Variants in FRMD6 observed in about 807,000 individuals in gnomAD.
FRMD6 encodes FERM domain-containing protein 6.
FRMD6 carries 37 observed loss-of-function variants against 73.2 expected under a neutral mutation model. The observed-to-expected ratio is 0.51, with a 90% confidence interval of 0.39 to 0.66. FRMD6 has a LOEUF of 0.66. FRMD6 is among the 30% of genes least tolerant of loss of function. The pLI is 0.00. For missense variants in FRMD6, 714 were observed against 780.5 expected (o/e 0.91, Z 1.02); for synonymous variants, 273 against 282.2 (o/e 0.97, Z 0.33).
the FRMD6 span, among the ~76,000 whole-genome samples, chr14:51,426,075 G>A: frequency 6.6e-6 from 1 of 151,922 alleles, no homozygotes; most frequent in Non-Finnish European, 1.5e-5. Flanking sequence ...TTCAACATGG[G>A]CCCTCATTTT....
intron 2 of FRMD6, among the ~76,000 whole-genome samples, chr14:51,621,184 A>C (rs190895404): frequency 6.6e-6 from 1 of 152,070 alleles, no homozygotes; most frequent in Non-Finnish European, 1.5e-5. Flanking sequence ...ATTGCATGTG[A>C]CTTTGGCTGG....
intron 2 of FRMD6, among the ~76,000 whole-genome samples, chr14:51,603,937 T>G: frequency 1.2e-5 from 1 of 81,784 alleles, no homozygotes. Context: ...TAATTTCTCT[T>G]GTGATACAAA....
At chr14:51,515,753 C>T (rs74364597) in intron 1 of FRMD6, among the ~76,000 whole-genome samples, 1,665 of 152,212 alleles carry the variant, frequency 0.011, 37 homozygotes, top group South Asian at 0.054. Flanking sequence ...GAGACCCATC[C>T]GTTGGACTTG....
intron 2 of FRMD6, among the ~76,000 whole-genome samples, chr14:51,624,991 A>G (rs532327815): frequency 6.6e-6 from 1 of 152,364 alleles, no homozygotes; most frequent in Non-Finnish European, 1.5e-5. Context: ...TGTAATGATA[A>G]TGAAAGTTAT....
intron 7 of FRMD6, among the ~76,000 whole-genome samples, chr14:51,708,650 T>C (rs1896769040): frequency 6.6e-6 from 1 of 152,164 alleles, no homozygotes; most frequent in Non-Finnish European, 1.5e-5. Flanking sequence ...TACAAGAACA[T>C]TACCACAACA....
intron 1 of FRMD6, among the ~76,000 whole-genome samples, chr14:51,491,705 G>A (rs1883015119): frequency 6.6e-6 from 1 of 152,200 alleles, no homozygotes; most frequent in Admixed American, 6.5e-5. Context: ...GCTGCTGGGG[G>A]ATTCAAATCT....
chr14:51,537,391 T>G (rs1344320704), intron 1 of FRMD6, among the ~76,000 whole-genome samples: 1 of 152,210 alleles, frequency 6.6e-6, no homozygotes, highest in Non-Finnish European at 1.5e-5. Flanking sequence ...CAGTTTTTAT[T>G]TATCCATTCA....
At chr14:51,516,945 A>T (rs10138834) in intron 1 of FRMD6, among the ~76,000 whole-genome samples, 7,795 of 152,254 alleles carry the variant, frequency 0.051, 430 homozygotes, top group African/African-American at 0.13. Flanking sequence ...GGTGACTTTA[A>T]TCTAGAACTT....
At chr14:51,639,279 CA>C (rs1297200226) in intron 2 of FRMD6, among the ~76,000 whole-genome samples, 1 of 151,806 alleles carries the variant, frequency 6.6e-6, no homozygotes, top group Non-Finnish European at 1.5e-5. Context: ...ACTAAAAATA[CA>C]AAAAATTAGC....
intron 1 of FRMD6, among the ~76,000 whole-genome samples, chr14:51,667,581 GAAAC>G: frequency 6.6e-6 from 1 of 152,294 alleles, no homozygotes; most frequent in South Asian, 2.1e-4. Flanking sequence ...GTGACATACT[GAAAC>G]AAAGGTCAGC....
intron 1 of FRMD6, among the ~76,000 whole-genome samples, chr14:51,671,836 A>G (rs1894030605): frequency 6.6e-6 from 1 of 152,240 alleles, no homozygotes; most frequent in Admixed American, 6.5e-5. Context: ...CATCTTGTTC[A>G]TGCCCTAATT....
At chr14:51,516,865 T>C (rs551580652) in intron 1 of FRMD6, among the ~76,000 whole-genome samples, 21 of 152,192 alleles carry the variant, frequency 1.4e-4, no homozygotes, top group Non-Finnish European at 2.9e-4. Flanking sequence ...TATAATTGTG[T>C]TTTAATCTTC....
intron 1 of FRMD6, among the ~76,000 whole-genome samples, chr14:51,514,717 G>C (rs750706270): frequency 6.6e-6 from 1 of 151,998 alleles, no homozygotes; most frequent in South Asian, 2.1e-4. Context: ...GCATGGTGGC[G>C]CATACCTGTA....
intron 1 of FRMD6, among the ~76,000 whole-genome samples, chr14:51,541,365 A>T (rs1886191910): frequency 6.6e-6 from 1 of 152,116 alleles, no homozygotes; most frequent in South Asian, 2.1e-4. Flanking sequence ...TGAAGTACTC[A>T]TCTAGATTCT....
the FRMD6 span, among the ~76,000 whole-genome samples, chr14:51,429,560 T>G: frequency 6.6e-6 from 1 of 152,340 alleles, no homozygotes; most frequent in Admixed American, 6.5e-5. Context: ...ACTACTTTTA[T>G]GTGGCTAAGG....
At position 51,555,397 on chromosome 14, in the gene FRMD6, T is replaced by C. The variant is rs1397557202; in HGVS notation, c.-209-14951T>C. On this transcript the variant is annotated intron_variant, in intron 1 of 14. Transcript: ENST00000356218. ...CAGGAAATATTTCAGCCAGGTACCT[T>C]TGATTTTCACAATTGGGCTATGTAG... 5.3e-5 allele frequency among the ~76,000 whole-genome samples: 8 copies of C among 152,344 alleles called. No individual in the cohort carries two copies. In the South Asian group the frequency reaches 1.2e-3, roughly 24 times the overall value.
chr14:51,691,914 C>G (rs898285657), intron 2 of FRMD6, among the ~76,000 whole-genome samples: 2 of 151,208 alleles, frequency 1.3e-5, no homozygotes, highest in Non-Finnish European at 2.9e-5. Context: ...TATTTTTAAT[C>G]CAATTGCTAT....
chr14:51,517,474 A>G (rs917205856), intron 1 of FRMD6, among the ~76,000 whole-genome samples: 3 of 152,176 alleles, frequency 2.0e-5, no homozygotes, highest in African/African-American at 7.2e-5. Context: ...ATAGAAACCA[A>G]TAAGAATCTA....
At chr14:51,720,651 A>T in intron 11 of FRMD6, 1 of 478,516 alleles carries the variant, frequency 2.1e-6, no homozygotes, top group Non-Finnish European at 3.8e-6. Flanking sequence ...AGTAGATTGG[A>T]AATTAGTCCT....
Sources: gnomAD v4.1 joint callset for allele counts (sites outside exome capture counted in the v4.1 genomes callset) on GRCh38, gnomAD v4.1.1 for gene constraint, MANE v1.5 for transcripts, NCBI Gene and HGNC (gene_info 2026-07-23, HGNC 2026-07-21) for gene names.